Variants in SLC17A5 observed in about 807,000 individuals in gnomAD.
The protein encoded by SLC17A5 is sialin.
Under a neutral mutation model 59.4 loss-of-function variants are expected in SLC17A5, and 47 were observed. The observed-to-expected ratio is 0.79, with a 90% CI of 0.63 to 1.01. The LOEUF is 1.01. Among genes scored for constraint, SLC17A5 ranks in the 50% least tolerant of loss-of-function variants. SLC17A5 has a pLI of 0.00. For synonymous variants in SLC17A5, 202 were observed against 210.7 expected, an observed-to-expected ratio of 0.96 and a Z score of 0.36; for missense variants, 522 against 595.5, an observed-to-expected ratio of 0.88 and a Z score of 1.28.
At chr6:73,595,326 T>G in intron 10 of SLC17A5, 112 bp from the exon 11 acceptor site, 2 of 1,239,912 alleles carry the variant, frequency 1.6e-6, no homozygotes, top group East Asian at 5.0e-5. Flanking sequence ...CATAAAAGCC[T>G]CATCCTTGAA....
intron 7 of SLC17A5, among the ~76,000 whole-genome samples, chr6:73,620,347 CT>C (rs1206126255): frequency 1.3e-5 from 2 of 151,978 alleles, no homozygotes; most frequent in African/African-American, 4.8e-5. Context: ...TTATTTCTTT[CT>C]TTTTTAAAAA....
At chr6:73,650,452 G>A (rs1011836925) in intron 1 of SLC17A5, among the ~76,000 whole-genome samples, 3 of 143,846 alleles carry the variant, frequency 2.1e-5, no homozygotes, top group African/African-American at 7.8e-5. Flanking sequence ...AGCATGCAGT[G>A]AGCCGAGATA....
intron 1 of SLC17A5, chr6:73,653,498 T>TCCCCCCCC (rs1562004003): frequency 5.3e-6 from 5 of 951,476 alleles, no homozygotes; most frequent in East Asian, 1.2e-4. Context: ...GCACCGCCGC[T>TCCCCCCCC]CCCCCGCCCC....
At chr6:73,605,385 T>C (rs1015270547) in intron 9 of SLC17A5, among the ~76,000 whole-genome samples, 1 of 152,194 alleles carries the variant, frequency 6.6e-6, no homozygotes, top group Non-Finnish European at 1.5e-5. Context: ...CAAGTGCCTC[T>C]GTTTTAACTA....
At chr6:73,616,459 A>AT (rs988952752) in intron 7 of SLC17A5, among the ~76,000 whole-genome samples, 2 of 150,140 alleles carry the variant, frequency 1.3e-5, no homozygotes, top group African/African-American at 4.9e-5. Context: ...CCTTCCATTC[A>AT]TTTTTTTCTT....
chr6:73,609,452 AG>A (rs1433790752), intron 9 of SLC17A5, among the ~76,000 whole-genome samples: 1 of 152,244 alleles, frequency 6.6e-6, no homozygotes, highest in East Asian at 1.9e-4. Flanking sequence ...GAATGCTTTA[AG>A]GGTAAAATGG....
intron 9 of SLC17A5, among the ~76,000 whole-genome samples, chr6:73,606,365 G>C (rs1767391074): frequency 6.6e-6 from 1 of 152,124 alleles, no homozygotes; most frequent in Non-Finnish European, 1.5e-5. Context: ...GAATAGTTGT[G>C]TCTCAGTCAG....
rs10672268 is a variant in SLC17A5 at position 73,627,922 on chromosome 6, C to CTTT, written c.820-5963_820-5961dup. ...CAGGCGTGAGCCACTGTGCCTGCCA[C>CTTT]TTTTTTTTTTTTTTTTGAGACAGGG... On this transcript the variant is annotated intron_variant, in intron 6 of 10. Coordinates refer to ENST00000355773, the MANE Select transcript of SLC17A5 (RefSeq NM_012434.5). 9.2e-3 allele frequency among the ~76,000 whole-genome samples: 1,302 copies of CTTT among 140,864 alleles called. 25 individuals are homozygous for CTTT. Among genetic ancestry groups the CTTT allele is most frequent in the African/African-American group, 0.031 (1,171 of 37,944 alleles). The allele number at this position is 140,864 out of a possible 152,430, so 92.4% of individuals were successfully genotyped here.
At chr6:73,623,710 A>G (rs866942513) in intron 6 of SLC17A5, among the ~76,000 whole-genome samples, 1 of 95,986 alleles carries the variant, frequency 1.0e-5, no homozygotes, top group African/African-American at 3.7e-5. Context: ...TTATTTATTT[A>G]TTTTTGAGAT....
chr6:73,653,707 G>T, intron 1 of SLC17A5, 86 bp downstream of exon 1: 1 of 1,338,244 alleles, frequency 7.5e-7, no homozygotes, highest in Non-Finnish European at 1.0e-6. Context: ...GGCGCAGGGT[G>T]CGGGTACCCG....
intron 6 of SLC17A5, among the ~76,000 whole-genome samples, chr6:73,634,227 CAT>C (rs1229428437): frequency 6.6e-6 from 1 of 152,098 alleles, no homozygotes; most frequent in African/African-American, 2.4e-5. Flanking sequence ...AGATGTATAT[CAT>C]ATTATAATAT....
chr6:73,595,705 A>C (rs2150071578), intron 10 of SLC17A5, among the ~76,000 whole-genome samples: 1 of 151,932 alleles, frequency 6.6e-6, no homozygotes, highest in African/African-American at 2.4e-5. Flanking sequence ...AGATTAGTGC[A>C]TTTATTTATT....
chr6:73,636,263 G>A (rs971429789), intron 5 of SLC17A5, among the ~76,000 whole-genome samples: 30 of 147,542 alleles, frequency 2.0e-4, no homozygotes, highest in African/African-American at 6.8e-4. Flanking sequence ...GCAATAAAAT[G>A]CCTTGGGACT....
intron 4 of SLC17A5, among the ~76,000 whole-genome samples, chr6:73,637,860 T>C (rs1322475835): frequency 6.6e-6 from 1 of 152,164 alleles, no homozygotes; most frequent in East Asian, 1.9e-4. Context: ...TCTTATGCAA[T>C]CTGATAAAAT....
chr6:73,627,928 T>C (rs973975684), intron 6 of SLC17A5, among the ~76,000 whole-genome samples: 3 of 151,780 alleles, frequency 2.0e-5, no homozygotes, highest in African/African-American at 7.3e-5. Context: ...GCCACTTTTT[T>C]TTTTTTTTTT....
In SLC17A5 at chr6:73,635,366, G is replaced by A. The variant is rs1768945749; in HGVS notation, c.819+16C>T. On this transcript the variant is annotated intron_variant, in intron 6 of 10. Coordinates refer to ENST00000355773, the MANE Select transcript of SLC17A5 (RefSeq NM_012434.5). ...AAGTTTCTGACATTATTTTTAAAAT[G>A]TGTCAAAGTCCATACCTGATTTCTT... 1 of 1,326,840 alleles carries A rather than the reference G, an allele frequency of 7.5e-7. No homozygotes were observed. Among genetic ancestry groups the A allele is most frequent in the Non-Finnish European group, 1.1e-6 (1 of 926,750 alleles). The allele number at this position is 1,326,840 out of a possible 1,614,324, so 82.2% of individuals were successfully genotyped here. A position where few individuals can be genotyped will look rare whatever the true frequency, so the allele number is the denominator to read the frequency against.
At chr6:73,643,029 G>A (rs1414343362) in intron 2 of SLC17A5, among the ~76,000 whole-genome samples, 1 of 152,072 alleles carries the variant, frequency 6.6e-6, no homozygotes, top group Non-Finnish European at 1.5e-5. Context: ...GATTTATTTT[G>A]TTTAGAGAGA....
chr6:73,627,342 T>C (rs1351297529), intron 6 of SLC17A5, among the ~76,000 whole-genome samples: 1 of 152,136 alleles, frequency 6.6e-6, no homozygotes, highest in Non-Finnish European at 1.5e-5. Flanking sequence ...CCCAAAGTAC[T>C]GGGATTACAG....
intron 1 of SLC17A5, chr6:73,653,354 C>T (rs1180804128): frequency 1.0e-6 from 1 of 985,346 alleles, no homozygotes; most frequent in African/African-American, 1.7e-5. Context: ...CAGGTTTCTC[C>T]TCCAGTTTGC....
Sources: allele counts gnomAD v4.1 joint callset (sites outside exome capture counted in the v4.1 genomes callset), GRCh38; gene constraint gnomAD v4.1.1; transcripts MANE v1.5; gene names NCBI Gene and HGNC (gene_info 2026-07-23, HGNC 2026-07-21).